Variants in STXBP5L observed in about 807,000 individuals in gnomAD.
STXBP5L encodes syntaxin-binding protein 5-like.
Under a neutral mutation model 144.5 loss-of-function variants are expected in STXBP5L, and 65 were observed. The observed-to-expected ratio is 0.45, with a 90% confidence interval of 0.37 to 0.55. The LOEUF (loss-of-function observed/expected upper bound fraction) is 0.55. Among genes scored for constraint, STXBP5L ranks in the 20% least tolerant of loss-of-function variants. STXBP5L has a pLI of 0.00. For missense variants in STXBP5L, 1,298 were observed against 1,405.5 expected (o/e 0.92, Z 1.22); for synonymous variants, 505 against 469.6 (o/e 1.08, Z -0.97).
At chr3:121,067,994 A>C (rs976418481) in intron 5 of STXBP5L, among the ~76,000 whole-genome samples, 1 of 152,236 alleles carries the variant, frequency 6.6e-6, no homozygotes, top group Non-Finnish European at 1.5e-5. Context: ...ATTTTAAAAA[A>C]TTAGTCTGAC....
chr3:121,053,123 C>A (rs368927070), intron 5 of STXBP5L, among the ~76,000 whole-genome samples: 1 of 152,282 alleles, frequency 6.6e-6, no homozygotes, highest in South Asian at 2.1e-4. Flanking sequence ...ACATTCCATG[C>A]TCATGGGTAG....
chr3:121,413,651 AAAATTTCTATACCATTCAAGGAGTTCAAG>A (rs1209592781), intron 24 of STXBP5L, among the ~76,000 whole-genome samples: 2 of 152,204 alleles, frequency 1.3e-5, no homozygotes, highest in African/African-American at 4.8e-5. Context: ...TGTAAACACA[AAAATTTCTATACCATTCAAGGAGTTCAAG>A]AACTCTTGAA....
At chr3:120,950,255 G>A (rs1165135514) in intron 2 of STXBP5L, among the ~76,000 whole-genome samples, 1 of 151,930 alleles carries the variant, frequency 6.6e-6, no homozygotes, top group African/African-American at 2.4e-5. Context: ...AGTTGCTACA[G>A]CACCATTTGC....
At chr3:120,991,295 C>A (rs1228965190) in intron 3 of STXBP5L, among the ~76,000 whole-genome samples, 1 of 151,582 alleles carries the variant, frequency 6.6e-6, no homozygotes, top group African/African-American at 2.4e-5. Context: ...CATCTCACAC[C>A]AGTTAGAATG....
chr3:121,313,233 C>T (rs917963740), intron 19 of STXBP5L, among the ~76,000 whole-genome samples: 1 of 143,378 alleles, frequency 7.0e-6, no homozygotes, highest in African/African-American at 2.6e-5. Context: ...CCCCCACCTC[C>T]CTCCCGGACG....
intron 19 of STXBP5L, among the ~76,000 whole-genome samples, chr3:121,281,672 T>C (rs903504957): frequency 6.6e-6 from 1 of 152,006 alleles, no homozygotes; most frequent in African/African-American, 2.4e-5. Flanking sequence ...TATTATTTAA[T>C]TTAAATTAAA....
intron 9 of STXBP5L, among the ~76,000 whole-genome samples, chr3:121,187,202 C>T (rs890216061): frequency 6.6e-5 from 10 of 152,034 alleles, no homozygotes; most frequent in African/African-American, 2.4e-4. Context: ...ACATGTACAC[C>T]ATGGAATACT....
intron 22 of STXBP5L, among the ~76,000 whole-genome samples, chr3:121,393,000 A>G (rs1199163957): frequency 6.6e-6 from 1 of 151,920 alleles, no homozygotes; most frequent in Non-Finnish European, 1.5e-5. Context: ...TATTTGAGAC[A>G]TCTCCATATT....
chr3:121,281,782 C>T (rs537047235), intron 19 of STXBP5L, among the ~76,000 whole-genome samples: 3 of 151,744 alleles, frequency 2.0e-5, no homozygotes, highest in Non-Finnish European at 4.4e-5. Context: ...GTTTAGTGTA[C>T]AAGATGACAC....
chr3:121,108,981 A>G (rs1474338732), intron 5 of STXBP5L, among the ~76,000 whole-genome samples: 1 of 151,976 alleles, frequency 6.6e-6, no homozygotes, highest in Non-Finnish European at 1.5e-5. Context: ...TTTCCTCTGG[A>G]TTTTCTAATT....
rs150805650 is a variant in STXBP5L at position 121,162,549 on chromosome 3, C to T, written c.877+4922C>T. 7.3e-3 allele frequency among the ~76,000 whole-genome samples: 1,114 copies of T among 152,216 alleles called. 13 individuals are homozygous for T. The highest frequency in any genetic ancestry group is 0.026 in the African/African-American group (1,069 of 41,524). ...ACTAAAACAACAAAAGCAATGGCAA[C>T]AAAAGGCAAAATTGACAAATGGGAT... On this transcript the variant is annotated intron_variant, in intron 9 of 26. Coordinates refer to ENST00000471454, the MANE Select transcript of STXBP5L (RefSeq NM_001308330.2).
intron 20 of STXBP5L, among the ~76,000 whole-genome samples, chr3:121,345,573 G>A (rs555387983): frequency 6.6e-6 from 1 of 152,132 alleles, no homozygotes; most frequent in East Asian, 1.9e-4. Flanking sequence ...AGATTCTTGA[G>A]GGATCACCAC....
chr3:121,168,767 T>C lies in STXBP5L; in HGVS notation c.877+11140T>C, dbSNP rs192752444. 3.6e-3 allele frequency among the ~76,000 whole-genome samples: 542 copies of C among 152,238 alleles called. 15 individuals are homozygous for C. The highest frequency in any genetic ancestry group is 1.2e-3 in the East Asian group (6 of 5,162). On this transcript the variant is annotated intron_variant, in intron 9 of 26. Transcript: ENST00000471454. ...ATGGAACCAAGCTGGAAAACACTCT[T>C]CAGGATATTATCCAGGAGAACTTCC...
In STXBP5L at chr3:121,422,650, T is replaced by C. The variant is rs2047376226; in HGVS notation, c.*3553T>C. On this transcript the variant is annotated 3_prime_UTR_variant, in exon 27 of 27. Coordinates refer to ENST00000471454, the MANE Select transcript of STXBP5L (RefSeq NM_001308330.2). ...TTTAGGGCCCCAATCATTGTCAAGATCATTGTCTAACTGGAACTCTGAAAG... is the reference window on the plus strand; with the variant it reads ...TTTAGGGCCCCAATCATTGTCAAGACCATTGTCTAACTGGAACTCTGAAAG... 1 of 152,146 alleles carries C rather than the reference T, an allele frequency of 6.6e-6. No individual in the cohort carries two copies. The highest frequency in any genetic ancestry group is 1.5e-5 in the Non-Finnish European group (1 of 68,012). The allele number at this position is 152,146 out of a possible 1,614,324, so 9.4% of individuals were successfully genotyped here. A position where few individuals can be genotyped will look rare whatever the true frequency, so the allele number is the denominator to read the frequency against.
At chr3:120,989,952 G>A (rs1163561525) in intron 3 of STXBP5L, among the ~76,000 whole-genome samples, 2 of 152,026 alleles carry the variant, frequency 1.3e-5, no homozygotes, top group East Asian at 3.9e-4. Flanking sequence ...TGGAAGTTCT[G>A]GCCAGGACAA....
chr3:121,167,696 T>TA (rs1421984840), intron 9 of STXBP5L, among the ~76,000 whole-genome samples: 1 of 152,218 alleles, frequency 6.6e-6, no homozygotes, highest in South Asian at 2.1e-4. Context: ...GGCTTACAGA[T>TA]AAAACCCTCA....
chr3:121,358,950 AT>A (rs759945277), intron 20 of STXBP5L, among the ~76,000 whole-genome samples: 7 of 151,956 alleles, frequency 4.6e-5, no homozygotes, highest in Non-Finnish European at 7.4e-5. Context: ...CAATATACAG[AT>A]TTTTTTTCTT....
chr3:121,168,319 A>T (rs1219029325), intron 9 of STXBP5L, among the ~76,000 whole-genome samples: 3 of 152,190 alleles, frequency 2.0e-5, no homozygotes, highest in Non-Finnish European at 4.4e-5. Context: ...GCAAGGGAAC[A>T]AAACTTGATG....
chr3:121,188,575 C>G (rs978601954), intron 9 of STXBP5L, among the ~76,000 whole-genome samples: 3 of 151,816 alleles, frequency 2.0e-5, no homozygotes, highest in Non-Finnish European at 4.4e-5. Flanking sequence ...TACTGGCAAA[C>G]TGAATCCAGC....
Sources: gnomAD v4.1 joint callset for allele counts (sites outside exome capture counted in the v4.1 genomes callset) on GRCh38, gnomAD v4.1.1 for gene constraint, MANE v1.5 for transcripts, NCBI Gene and HGNC (gene_info 2026-07-23, HGNC 2026-07-21) for gene names.